Variants in GRK5 observed in about 807,000 individuals in gnomAD.
GRK5 encodes G protein-coupled receptor kinase 5.
In GRK5, 40 loss-of-function variants were observed where a neutral mutation model predicts 78.4. The observed-to-expected ratio is 0.51, with a 90% CI of 0.40 to 0.66. The LOEUF (loss-of-function observed/expected upper bound fraction) is 0.66, where lower values mean the gene tolerates loss of function less well. Among genes scored for constraint, GRK5 ranks in the 30% least tolerant of loss-of-function variants. The probability of loss-of-function intolerance (pLI) is 0.00; values close to 1 mark genes in which losing one functional copy is unlikely to be tolerated. For missense variants in GRK5, 598 were observed against 759.9 expected (o/e 0.79, Z 2.50); for synonymous variants, 289 against 296.8 (o/e 0.97, Z 0.27).
chr10:119,352,444 A>ATTAGGGAGG (rs1851199758), intron 2 of GRK5, among the ~76,000 whole-genome samples: 1 of 152,176 alleles, frequency 6.6e-6, no homozygotes, highest in Non-Finnish European at 1.5e-5. Context: ...GAGGCTGCCC[A>ATTAGGGAGG]CTGTGTGCTC....
chr10:119,301,137 C>T (rs180875989), intron 1 of GRK5, among the ~76,000 whole-genome samples: 5 of 152,010 alleles, frequency 3.3e-5, no homozygotes, highest in African/African-American at 1.2e-4. Flanking sequence ...AACCCATAGA[C>T]ATACTGCTGG....
chr10:119,304,351 A>G (rs1433494933), intron 1 of GRK5, among the ~76,000 whole-genome samples: 7 of 128,454 alleles, frequency 5.4e-5, no homozygotes, highest in African/African-American at 9.2e-5. Flanking sequence ...GTGCAGTGGC[A>G]TGATCTCAGC....
intron 15 of GRK5, among the ~76,000 whole-genome samples, chr10:119,453,729 C>T (rs943101082): frequency 1.3e-5 from 2 of 152,180 alleles, no homozygotes; most frequent in Admixed American, 6.5e-5. Flanking sequence ...CTGGCCCTTA[C>T]GAAGCCTCAG....
intron 5 of GRK5, among the ~76,000 whole-genome samples, chr10:119,424,248 A>G (rs1181265156): frequency 1.3e-5 from 2 of 152,132 alleles, no homozygotes; most frequent in East Asian, 1.9e-4. Flanking sequence ...GTTTGGCAGG[A>G]CACAGACTCT....
At chr10:119,385,869 G>A (rs1380286052) in intron 3 of GRK5, among the ~76,000 whole-genome samples, 1 of 151,990 alleles carries the variant, frequency 6.6e-6, no homozygotes, top group Non-Finnish European at 1.5e-5. Context: ...TGGAAAATTG[G>A]GAGTTGTCAA....
At chr10:119,442,405 G>C (rs986475126) in intron 11 of GRK5, among the ~76,000 whole-genome samples, 29 of 152,344 alleles carry the variant, frequency 1.9e-4, no homozygotes, top group Middle Eastern at 6.8e-3. Flanking sequence ...CATTGAAGCA[G>C]GGGTCTGGGA....
intron 3 of GRK5, among the ~76,000 whole-genome samples, chr10:119,388,501 T>A (rs1443311738): frequency 1.3e-5 from 2 of 152,134 alleles, no homozygotes; most frequent in Non-Finnish European, 2.9e-5. Flanking sequence ...TATGCCCAGC[T>A]AATTTTTGTA....
intron 2 of GRK5, among the ~76,000 whole-genome samples, chr10:119,353,379 G>C (rs1457718780): frequency 3.3e-5 from 5 of 152,160 alleles, no homozygotes; most frequent in Non-Finnish European, 7.4e-5. Flanking sequence ...AATAGTCTTG[G>C]AAGGAAGTTT....
chr10:119,381,464 G>A (rs1851709133), intron 3 of GRK5, among the ~76,000 whole-genome samples: 1 of 152,240 alleles, frequency 6.6e-6, no homozygotes, highest in South Asian at 2.1e-4. Context: ...CTGTCAAGCC[G>A]GTCTGACACC....
In GRK5 at chr10:119,445,924, C is replaced by G. The variant is rs950933662; in HGVS notation, c.1266+2172C>G. ...AGCAGCCGCAGAACCCACTCCCCCT[C>G]CTCTGGAGCCCAGAAATTCACACAT... On this transcript the variant is annotated intron_variant, in intron 12 of 15. Transcript: ENST00000392870. The surrounding 1 kb of genome is among the most constrained non-coding windows in gnomAD (Gnocchi z 4.1). 1.6e-5 allele frequency among the ~76,000 whole-genome samples: 2 copies of G among 128,842 alleles called. No individual in the cohort carries two copies. The highest frequency in any genetic ancestry group is 3.7e-5 in the Non-Finnish European group (2 of 54,640). 84.5% of individuals were successfully genotyped at this position (128,842 alleles called of 152,430 possible).
chr10:119,419,921 C>T (rs1272646305), intron 4 of GRK5, among the ~76,000 whole-genome samples: 1 of 152,222 alleles, frequency 6.6e-6, no homozygotes, highest in Non-Finnish European at 1.5e-5. Flanking sequence ...CCCTGGTCCT[C>T]ATGCTGAGCT....
chr10:119,300,888 G>A (rs1222818947), intron 1 of GRK5, among the ~76,000 whole-genome samples: 3 of 152,098 alleles, frequency 2.0e-5, no homozygotes, highest in Non-Finnish European at 4.4e-5. Context: ...TCAGGAGTTT[G>A]AGACCAGCCT....
At chr10:119,249,314 C>T (rs1313728545) in intron 1 of GRK5, among the ~76,000 whole-genome samples, 1 of 151,910 alleles carries the variant, frequency 6.6e-6, no homozygotes, top group Non-Finnish European at 1.5e-5. Flanking sequence ...ACTAATAATA[C>T]CTACCTTGTA....
rs113647436 is a variant in GRK5 at position 119,396,504 on chromosome 10, G to A, written c.262-191G>A. 2.2e-3 allele frequency among the ~76,000 whole-genome samples: 329 copies of A among 152,356 alleles called. 4 individuals are homozygous for A. The highest frequency in any genetic ancestry group is 7.0e-3 in the African/African-American group (290 of 41,574). On this transcript the variant is annotated intron_variant, in intron 3 of 15. Transcript: ENST00000392870. ...ATCCTGAGACCCAGCATCTGTGAGA[G>A]AGGGCAAAGTAGTTTGGACTAAACA... is the stretch of plus-strand genomic sequence containing the variant.
intron 2 of GRK5, among the ~76,000 whole-genome samples, chr10:119,339,316 G>T (rs574823517): frequency 6.6e-6 from 1 of 152,200 alleles, no homozygotes; most frequent in Non-Finnish European, 1.5e-5. Context: ...GCGTGACAGC[G>T]TTCTGCCCCA....
intron 2 of GRK5, among the ~76,000 whole-genome samples, chr10:119,344,916 TCC>T (rs1233612007): frequency 4.3e-5 from 6 of 139,840 alleles, no homozygotes; most frequent in Admixed American, 1.5e-4. Context: ...CTTCCTTCCT[TCC>T]TTCCTTCCTT....
intron 1 of GRK5, among the ~76,000 whole-genome samples, chr10:119,276,873 G>A (rs1849679082): frequency 6.6e-6 from 1 of 152,180 alleles, no homozygotes. Flanking sequence ...TTCTCCTCTA[G>A]GGCTCTTGTG....
At chr10:119,261,366 C>T (rs1311133163) in intron 1 of GRK5, among the ~76,000 whole-genome samples, 1 of 150,272 alleles carries the variant, frequency 6.7e-6, no homozygotes, top group African/African-American at 2.5e-5. Context: ...GCGCTCCTCA[C>T]TTCCTAGATG....
intron 2 of GRK5, among the ~76,000 whole-genome samples, chr10:119,356,525 A>G (rs918106289): frequency 7.2e-5 from 11 of 152,184 alleles, no homozygotes; most frequent in Non-Finnish European, 1.3e-4. Context: ...TGGGCTAGCT[A>G]GAGTCTTGTT....
Sources: allele counts gnomAD v4.1 joint callset (sites outside exome capture counted in the v4.1 genomes callset), GRCh38; gene constraint gnomAD v4.1.1; non-coding constraint Gnocchi (gnomAD v3.1); transcripts MANE v1.5; gene names NCBI Gene and HGNC (gene_info 2026-07-23, HGNC 2026-07-21).